ACIN1: variants seen among roughly 807,000 people sequenced by gnomAD.
ACIN1 encodes apoptotic chromatin condensation inducer 1, also known as apoptotic chromatin condensation inducer in the nucleus.
Under a neutral mutation model 146.6 loss-of-function variants are expected in ACIN1, and 16 were observed. That is an observed-to-expected ratio of 0.11 (90% CI 0.07 to 0.17). The LOEUF is 0.17. Among genes scored for constraint, ACIN1 ranks in the 10% least tolerant of loss-of-function variants. The pLI, the probability that ACIN1 is intolerant of heterozygous loss-of-function variation, is 1.00. For synonymous variants in ACIN1, 569 were observed against 582.7 expected (o/e 0.98, Z 0.34); for missense variants, 1,357 against 1,609.3 (o/e 0.84, Z 2.68).
rs552426760 is a variant in ACIN1 at position 23,059,035 on chromosome 14, A to G, written c.*113T>C. On this transcript the variant is annotated 3_prime_UTR_variant, in exon 19 of 19. Coordinates refer to ENST00000605057, the MANE Select transcript of ACIN1 (RefSeq NM_001386863.1). ...TTCCATTTGGTATGTATGTAGGGAT[A>G]GGTGATGTGAAAGACCCTTGGCTCC... The G allele has an allele frequency of 1.7e-4, 164 of 945,650 alleles. No individual in the cohort carries two copies. The East Asian group carries it at 3.8e-3, about 22-fold the overall frequency. The allele number at this position is 945,650 out of a possible 1,614,324, so 58.6% of individuals were successfully genotyped here.
At position 23,067,946 on chromosome 14, in the gene ACIN1, C is replaced by T. The variant is rs188006704; in HGVS notation, c.2265+1530G>A. 656 of 985,842 alleles carry T rather than the reference C, an allele frequency of 6.7e-4. 4 individuals are homozygous for T. In the African/African-American group the frequency reaches 0.01, roughly 15 times the overall value. The allele number at this position is 985,842 out of a possible 1,614,324, so 61.1% of individuals were successfully genotyped here. A position where few individuals can be genotyped will look rare whatever the true frequency, so the allele number is the denominator to read the frequency against. On this transcript the variant is annotated intron_variant, in intron 9 of 18. Coordinates refer to ENST00000605057, the MANE Select transcript of ACIN1 (RefSeq NM_001386863.1). The surrounding 1 kb of genome is among the most constrained non-coding windows in gnomAD (Gnocchi z 4.6). ...CTTCTCTTCGGAGAGTTGTGGCTGGCATCTCCTCAGGGACTCCAGCTGAGA... is the reference window on the plus strand; with the variant it reads ...CTTCTCTTCGGAGAGTTGTGGCTGGTATCTCCTCAGGGACTCCAGCTGAGA...
upstream of ACIN1, chr14:23,095,520 G>A (rs146793604): frequency 1.5e-4 from 83 of 560,178 alleles, 1 homozygote; most frequent in African/African-American, 1.4e-3. Context: ...CTGCCGGGCT[G>A]GCCCAGCTTA....
chr14:23,071,429 C>T (rs1285223941), intron 8 of ACIN1: 27 of 1,551,496 alleles, frequency 1.7e-5, no homozygotes, highest in Non-Finnish European at 2.0e-5. Flanking sequence ...GTCCTCACGG[C>T]AAACCCCGAG....
chr14:23,070,120 T>C (rs2047586263), intron 8 of ACIN1, among the ~76,000 whole-genome samples: 1 of 150,428 alleles, frequency 6.6e-6, no homozygotes, highest in African/African-American at 2.5e-5. Flanking sequence ...AAGCCTGACC[T>C]GTGTTTAATC....
chr14:23,075,652 T>A (rs1341630646), intron 8 of ACIN1, among the ~76,000 whole-genome samples: 1 of 151,926 alleles, frequency 6.6e-6, no homozygotes, highest in Non-Finnish European at 1.5e-5. Flanking sequence ...TAAAGTCATA[T>A]GACTTCTTGT....
intron 10 of ACIN1, among the ~76,000 whole-genome samples, chr14:23,065,539 A>C (rs534520946): frequency 6.6e-6 from 1 of 152,214 alleles, no homozygotes; most frequent in Non-Finnish European, 1.5e-5. Context: ...GTGAGCCAAA[A>C]TCGCACCACT....
intron 6 of ACIN1, 72 bp downstream of exon 6, chr14:23,079,475 C>T (rs1403271769): frequency 1.3e-6 from 2 of 1,565,970 alleles, no homozygotes; most frequent in Non-Finnish European, 1.7e-6. Context: ...ATGACAGGCT[C>T]TCCAGGGGCT....
intron 8 of ACIN1, among the ~76,000 whole-genome samples, chr14:23,074,977 C>T (rs1034127317): frequency 6.6e-6 from 1 of 152,066 alleles, no homozygotes; most frequent in Admixed American, 6.6e-5. Flanking sequence ...CCCAAGATAA[C>T]CTAGAACAGT....
Position 23,063,523 on chromosome 14 carries a change from T to TCTCTTCTTC in ACIN1, c.2641_2649dup (p.Glu881_Glu883dup). The TCTCTTCTTC allele has an allele frequency of 6.2e-7, 1 of 1,614,140 alleles. No individual in the cohort carries two copies. Among genetic ancestry groups the TCTCTTCTTC allele is most frequent in the Non-Finnish European group, 8.5e-7 (1 of 1,180,024 alleles). On this transcript the variant is annotated inframe_insertion, in exon 13 of 19. Coordinates refer to ENST00000605057, the MANE Select transcript of ACIN1 (RefSeq NM_001386863.1). ...ACAGGAGGTTCTGCTTCAGGTTCCT[T>TCTCTTCTTC]CTCTTCTTCCTCTTCTTCCCTCTGC...
chr14:23,077,835 T>C (rs998932437), intron 8 of ACIN1: 5 of 171,718 alleles, frequency 2.9e-5, no homozygotes, highest in Non-Finnish European at 5.0e-5. Context: ...AAGATTAAGA[T>C]GCCCGGAGTC....
At chr14:23,088,931 T>C (rs1025840206) in intron 4 of ACIN1, among the ~76,000 whole-genome samples, 9 of 152,232 alleles carry the variant, frequency 5.9e-5, no homozygotes, top group African/African-American at 4.8e-5. Context: ...ATGCTCAACC[T>C]GCACATATTT....
chr14:23,069,269 A>C (rs1406072705), intron 9 of ACIN1: 20 of 1,249,822 alleles, frequency 1.6e-5, no homozygotes, highest in Non-Finnish European at 2.0e-5. Context: ...CCAACAAGGA[A>C]AGGAAAATGA....
In ACIN1 at chr14:23,080,731, T is replaced by G; in HGVS notation, c.604A>C (p.Arg202=). The change falls in exon 6 of 19, where the codon AGG becomes CGG. Residue 202 remains arginine, a synonymous_variant. Transcript: ENST00000605057. ...EDQETPSRNL[R]VRADRNLKTE... ...TTCAAATTTCGATCTGCTCTGACCC[T>G]TAGGTTTCTGGAAGGTGTTTCTTGA... 6.2e-7 allele frequency: 1 copy of G among 1,614,004 alleles called. No individual in the cohort carries two copies. Among genetic ancestry groups the G allele is most frequent in the African/African-American group, 1.3e-5 (1 of 75,040 alleles).
At chr14:23,092,033 G>A (rs553592188) in intron 2 of ACIN1, among the ~76,000 whole-genome samples, 22 of 152,072 alleles carry the variant, frequency 1.4e-4, no homozygotes, top group African/African-American at 4.8e-4. Flanking sequence ...TTTAGACAAA[G>A]TTATAACTCC....
Position 23,078,131 on chromosome 14 carries a change from G to C in ACIN1, c.2123+20C>G. On this transcript the variant is annotated intron_variant, in intron 8 of 18. Coordinates refer to ENST00000605057, the MANE Select transcript of ACIN1 (RefSeq NM_001386863.1). ...CACTCATAGTTCCCTGTTATACCCCGGTCGAGATATATCACTTACACAGTG... is the reference window on the plus strand; with the variant it reads ...CACTCATAGTTCCCTGTTATACCCCCGTCGAGATATATCACTTACACAGTG... 6.2e-7 allele frequency: 1 copy of C among 1,609,722 alleles called. No individual in the cohort carries two copies. The highest frequency in any genetic ancestry group is 8.5e-7 in the Non-Finnish European group (1 of 1,176,344).
chr14:23,063,999 A>G, intron 12 of ACIN1, 106 bp downstream of exon 12: 1 of 1,483,690 alleles, frequency 6.7e-7, no homozygotes, highest in Non-Finnish European at 9.2e-7. Context: ...AACCCTCTGC[A>G]CAGACAGGGA....
chr14:23,062,707 G>T, intron 14 of ACIN1, 184 bp from the exon 15 acceptor site: 1 of 739,160 alleles, frequency 1.4e-6, no homozygotes, highest in Non-Finnish European at 2.2e-6. Flanking sequence ...TTGAGACGTT[G>T]TATGTGAGGC....
In ACIN1 at chr14:23,068,866, C is replaced by T; in HGVS notation, c.2265+610G>A. 21 of 985,396 alleles carry T rather than the reference C, an allele frequency of 2.1e-5. No homozygotes were observed. The highest frequency in any genetic ancestry group is 2.2e-5 in the Non-Finnish European group (18 of 829,934). The allele number at this position is 985,396 out of a possible 1,614,324, so 61.0% of individuals were successfully genotyped here. A position where few individuals can be genotyped will look rare whatever the true frequency, so the allele number is the denominator to read the frequency against. On this transcript the variant is annotated intron_variant, in intron 9 of 18. Transcript: ENST00000605057. The surrounding 1 kb of genome is among the most constrained non-coding windows in gnomAD (Gnocchi z 4.3). ...ATTACTTTAAGAGCCAAGAAGACTT[C>T]GCTGGCTCTGATGGGGGAAGCCCCC... is the stretch of plus-strand genomic sequence containing the variant.
intron 16 of ACIN1, among the ~76,000 whole-genome samples, chr14:23,061,962 ACT>A (rs1162060801): frequency 8.2e-6 from 1 of 121,728 alleles, no homozygotes; most frequent in Non-Finnish European, 1.6e-5. Flanking sequence ...AGACAGCGAG[ACT>A]CTGTCTCAAA....
Sources: gnomAD v4.1 joint callset for allele counts (sites outside exome capture counted in the v4.1 genomes callset) on GRCh38, gnomAD v4.1.1 for gene constraint, Gnocchi (gnomAD v3.1) non-coding constraint, MANE v1.5 for transcripts, NCBI Gene and HGNC (gene_info 2026-07-23, HGNC 2026-07-21) for gene names.